Variants in FARP1 observed in about 807,000 individuals in gnomAD.
FARP1 encodes FERM, ARH/RhoGEF and pleckstrin domain protein 1.
Under a neutral mutation model 128.8 loss-of-function variants are expected in FARP1, and 52 were observed. The ratio of observed to expected loss-of-function variants is 0.40; its 90% CI spans 0.32 to 0.51. FARP1 has a LOEUF of 0.51. Among genes scored for constraint, FARP1 ranks in the 20% least tolerant of loss-of-function variants. FARP1 has a pLI of 0.45. For missense variants in FARP1, 1,333 were observed against 1,367.9 expected, an observed-to-expected ratio of 0.97 and a Z score of 0.40; for synonymous variants, 580 against 551.8, an observed-to-expected ratio of 1.05 and a Z score of -0.72.
At chr13:98,307,493 T>G (rs1054058988) in intron 2 of FARP1, among the ~76,000 whole-genome samples, 2 of 152,102 alleles carry the variant, frequency 1.3e-5, no homozygotes, top group Non-Finnish European at 2.9e-5. Context: ...CTGCCCAGCC[T>G]TGTGGGTGTC....
At position 98,390,804 on chromosome 13, in the gene FARP1, T is replaced by G; in HGVS notation, c.1020-8T>G. 6.2e-7 allele frequency: 1 copy of G among 1,610,202 alleles called. No individual in the cohort carries two copies. Among genetic ancestry groups the G allele is most frequent in the Non-Finnish European group, 8.5e-7 (1 of 1,176,536 alleles). On this transcript the variant is annotated splice_polypyrimidine_tract_variant and splice_region_variant and intron_variant, in intron 10 of 26. Transcript: ENST00000319562. ...TTCTCCCCTTCCCTGTTGTGGTCTC[T>G]GTTTCAGTGGTCGGACTCAGAAGCA...
chr13:98,256,495 A>G lies in FARP1; in HGVS notation c.171+43082A>G, dbSNP rs148911674. Reference sequence around the variant, plus strand: ...CTGCACCACTGTGACAAGTGTGCTTAATGTTATTGGTCTGTACCTTTAAAA... The same window carrying G: ...CTGCACCACTGTGACAAGTGTGCTTGATGTTATTGGTCTGTACCTTTAAAA... On this transcript the variant is annotated intron_variant, in intron 2 of 26. Transcript: ENST00000319562. Among the ~76,000 whole-genome samples the G allele has an allele frequency of 3.0e-3, 457 of 152,106 alleles. 4 individuals carry two copies. The highest frequency in any genetic ancestry group is 0.01 in the African/African-American group (423 of 41,492).
chr13:98,440,698 C>G lies in FARP1; in HGVS notation c.2658C>G (p.Asp886Glu), dbSNP rs144654880. 2 of 1,613,348 alleles carry G rather than the reference C, an allele frequency of 1.2e-6. No individual in the cohort carries two copies. The highest frequency in any genetic ancestry group is 1.7e-6 in the Non-Finnish European group (2 of 1,179,882). ...CCCCTGATGAAGCCACCGCGGCTGACCAGGAGTCAGAGGATGACCTGAGCG... is the reference window on the plus strand; with the variant it reads ...CCCCTGATGAAGCCACCGCGGCTGAGCAGGAGTCAGAGGATGACCTGAGCG... ...NKSPDEATAA[D>E]QESEDDLSAS... Residue 886 changes from aspartate (D) to glutamate (E), a missense_variant, in exon 24 of 27, where the codon GAC becomes GAG. Around this residue, in one of 2 missense-constraint regions of FARP1, gnomAD observed 1,009 missense variants for 969.8 expected, o/e 1.04. Transcript: ENST00000319562.
intron 2 of FARP1, among the ~76,000 whole-genome samples, chr13:98,225,286 C>T (rs968705822): frequency 3.3e-5 from 5 of 152,164 alleles, no homozygotes; most frequent in African/African-American, 9.7e-5. Flanking sequence ...ATTTCAGTTG[C>T]ATTTCACAGC....
At chr13:98,309,110 C>A (rs1464603703) in intron 2 of FARP1, among the ~76,000 whole-genome samples, 1 of 145,550 alleles carries the variant, frequency 6.9e-6, no homozygotes, top group Non-Finnish European at 1.5e-5. Flanking sequence ...TATTTTGGAC[C>A]TATTAGATTA....
At chr13:98,266,278 C>T (rs553800470) in intron 2 of FARP1, among the ~76,000 whole-genome samples, 263 of 152,234 alleles carry the variant, frequency 1.7e-3, no homozygotes, top group African/African-American at 6.1e-3. Context: ...TGAAAAGCCG[C>T]GAGACAGAGG....
At chr13:98,350,421 C>T (rs900317164) in intron 3 of FARP1, among the ~76,000 whole-genome samples, 10 of 152,130 alleles carry the variant, frequency 6.6e-5, no homozygotes, top group African/African-American at 2.4e-4. Flanking sequence ...TTACAGTGTC[C>T]CCCGTTACTG....
chr13:98,290,054 C>CTTTTTT (rs57453120), intron 2 of FARP1, among the ~76,000 whole-genome samples: 1 of 136,254 alleles, frequency 7.3e-6, no homozygotes, highest in African/African-American at 2.7e-5. Context: ...GGAGATTTAT[C>CTTTTTT]TTTTTTTTTT....
chr13:98,439,556 C>T (rs1463770339), intron 21 of FARP1, among the ~76,000 whole-genome samples: 1 of 152,210 alleles, frequency 6.6e-6, no homozygotes, highest in African/African-American at 2.4e-5. Context: ...CGACAGTCCT[C>T]GCCACACACA....
intron 2 of FARP1, among the ~76,000 whole-genome samples, chr13:98,313,201 TACAC>T (rs950519755): frequency 2.3e-5 from 3 of 128,550 alleles, no homozygotes; most frequent in Non-Finnish European, 3.2e-5. Context: ...TGGGTCATAA[TACAC>T]ACACACACAT....
chr13:98,153,549 A>AATATATGTTT, intron 1 of FARP1, among the ~76,000 whole-genome samples: 1 of 61,898 alleles, frequency 1.6e-5, no homozygotes, highest in Admixed American at 2.4e-4. Flanking sequence ...AATATGTATA[A>AATATATGTTT]ATATATATTT....
At chr13:98,289,129 G>A (rs1885334681) in intron 2 of FARP1, among the ~76,000 whole-genome samples, 1 of 152,166 alleles carries the variant, frequency 6.6e-6, no homozygotes, top group Admixed American at 6.5e-5. Flanking sequence ...GTACTTTTGG[G>A]CTGAATTAGT....
chr13:98,395,831 A>G (rs539344486), intron 13 of FARP1: 156 of 401,394 alleles, frequency 3.9e-4, no homozygotes, highest in African/African-American at 3.1e-3. Flanking sequence ...GAAATGTTCA[A>G]GGGCTCGGCT....
rs56166470 is a variant in FARP1, at chr13:98,318,950, G to GTTTTTTTTTTTTTTTTTTTT, written c.172-24793_172-24792insTTTTTTTTTTTTTTTTTTTT. ...TTCCTTTGGAGCTTAGTTTTTTCTT[G>GTTTTTTTTTTTTTTTTTTTT]TTTTTTTTTTTTTTTTTTTGTTTGT... On this transcript the variant is annotated intron_variant, in intron 2 of 26. Coordinates refer to ENST00000319562, the MANE Select transcript of FARP1 (RefSeq NM_005766.4). Among the ~76,000 whole-genome samples the GTTTTTTTTTTTTTTTTTTTT allele has an allele frequency of 2.4e-4, 29 of 120,682 alleles. 1 individual carries two copies. Among genetic ancestry groups the GTTTTTTTTTTTTTTTTTTTT allele is most frequent in the African/African-American group, 4.8e-4 (15 of 31,130 alleles). 79.2% of individuals were successfully genotyped at this position (120,682 alleles called of 152,430 possible). A position where few individuals can be genotyped will look rare whatever the true frequency, so the allele number is the denominator to read the frequency against.
intron 1 of FARP1, among the ~76,000 whole-genome samples, chr13:98,197,667 C>A (rs555714728): frequency 6.6e-6 from 1 of 151,478 alleles, no homozygotes; most frequent in East Asian, 2.0e-4. Context: ...TGGAGTCTCG[C>A]TCTGTCACCC....
At chr13:98,169,495 TG>T (rs1877503265) in intron 1 of FARP1, among the ~76,000 whole-genome samples, 3 of 152,094 alleles carry the variant, frequency 2.0e-5, no homozygotes, top group African/African-American at 7.2e-5. Flanking sequence ...AAGGCTGAGG[TG>T]GGAGGATTGC....
chr13:98,275,500 G>A (rs78698808), intron 2 of FARP1, among the ~76,000 whole-genome samples: 2 of 151,646 alleles, frequency 1.3e-5, no homozygotes, highest in Non-Finnish European at 2.9e-5. Flanking sequence ...TTTTTAATAG[G>A]TTTAATTGTG....
chr13:98,249,203 A>T (rs1430625338), intron 2 of FARP1, among the ~76,000 whole-genome samples: 1 of 152,146 alleles, frequency 6.6e-6, no homozygotes, highest in African/African-American at 2.4e-5. Flanking sequence ...TATTTCAACT[A>T]AGTGAGCACC....
intron 1 of FARP1, among the ~76,000 whole-genome samples, chr13:98,155,424 GT>G (rs1231987783): frequency 2.0e-5 from 3 of 152,032 alleles, no homozygotes; most frequent in Non-Finnish European, 2.9e-5. Context: ...CTTAGGCGGG[GT>G]GCTTGAATAC....
Sources: allele counts gnomAD v4.1 joint callset (sites outside exome capture counted in the v4.1 genomes callset), GRCh38; gene constraint gnomAD v4.1.1; regional missense constraint gnomAD v4.1.1; transcripts MANE v1.5; gene names NCBI Gene and HGNC (gene_info 2026-07-23, HGNC 2026-07-21).